Variants in CFAP20DC observed in about 807,000 individuals in gnomAD.
CFAP20DC encodes CFAP20 domain containing.
CFAP20DC carries 84 observed loss-of-function variants against 101.7 expected under a neutral mutation model. The observed-to-expected ratio is 0.83, with a 90% CI of 0.69 to 0.99. The LOEUF (loss-of-function observed/expected upper bound fraction) is 0.99, where lower values mean the gene tolerates loss of function less well. Among genes scored for constraint, CFAP20DC ranks in the 50% least tolerant of loss-of-function variants. CFAP20DC has a pLI of 0.00. For synonymous variants in CFAP20DC, 359 were observed against 351.2 expected (o/e 1.02, Z -0.25); for missense variants, 1,007 against 970.3 (o/e 1.04, Z -0.50).
chr3:58,842,224 G>A (rs555371374), intron 13 of CFAP20DC, among the ~76,000 whole-genome samples: 4 of 152,162 alleles, frequency 2.6e-5, no homozygotes, highest in African/African-American at 7.2e-5. Flanking sequence ...CGCAGAAGAC[G>A]GGTGATTTCT....
chr3:58,948,673 C>T (rs1430686543), intron 4 of CFAP20DC, among the ~76,000 whole-genome samples: 1 of 152,194 alleles, frequency 6.6e-6, no homozygotes, highest in Admixed American at 6.5e-5. Context: ...TTTTGATGTG[C>T]TGCTGGATTC....
At chr3:58,854,745 C>G (rs2078605863) in intron 12 of CFAP20DC, among the ~76,000 whole-genome samples, 2 of 151,230 alleles carry the variant, frequency 1.3e-5, no homozygotes, top group Non-Finnish European at 2.9e-5. Context: ...AAAGGATTCT[C>G]TATTTAATAA....
intron 15 of CFAP20DC, among the ~76,000 whole-genome samples, chr3:58,762,772 G>T (rs868322832): frequency 9.2e-5 from 14 of 152,234 alleles, no homozygotes; most frequent in South Asian, 8.3e-4. Context: ...GTCTGTAAAG[G>T]ATTTTATTTC....
chr3:58,849,769 C>G (rs1036690546), intron 12 of CFAP20DC, among the ~76,000 whole-genome samples: 1 of 152,112 alleles, frequency 6.6e-6, no homozygotes, highest in Non-Finnish European at 1.5e-5. Context: ...TATACTTTGA[C>G]TTTCTGATAA....
rs924305032 is a variant in CFAP20DC at position 58,899,342 on chromosome 3, C to T, written c.550+14366G>A. Among the ~76,000 whole-genome samples, 3 of 152,198 alleles carry T rather than the reference C, an allele frequency of 2.0e-5. No individual in the cohort carries two copies. The highest frequency in any genetic ancestry group is 6.5e-5 in the Admixed American group (1 of 15,288). ...TTGGCCACCCCTCCCACTGGGGACT[C>T]GGTCCTTCTCAGGCAGACTCAAGCC... On this transcript the variant is annotated intron_variant, in intron 6 of 16. Coordinates refer to ENST00000482387, the MANE Select transcript of CFAP20DC (RefSeq NM_001394063.1). The surrounding 1 kb of genome is among the most constrained non-coding windows in gnomAD (Gnocchi z 5.0).
intron 4 of CFAP20DC, among the ~76,000 whole-genome samples, chr3:59,020,967 C>T (rs952483861): frequency 6.6e-6 from 1 of 152,046 alleles, no homozygotes; most frequent in Admixed American, 6.6e-5. Flanking sequence ...GCAAATACAG[C>T]TTTATATTTG....
intron 7 of CFAP20DC, 50 bp downstream of exon 7, chr3:58,884,495 G>A (rs1211187732): frequency 9.7e-6 from 15 of 1,548,152 alleles, no homozygotes; most frequent in Non-Finnish European, 1.3e-5. Context: ...ACACTTTATG[G>A]GAGAGATGCA....
At chr3:58,994,260 T>C (rs2093038090) in intron 4 of CFAP20DC, among the ~76,000 whole-genome samples, 1 of 152,210 alleles carries the variant, frequency 6.6e-6, no homozygotes, top group Admixed American at 6.5e-5. Flanking sequence ...CAATGGACTT[T>C]GCATTTTCTT....
At chr3:58,776,828 A>G (rs2071379968) in intron 15 of CFAP20DC, among the ~76,000 whole-genome samples, 1 of 151,966 alleles carries the variant, frequency 6.6e-6, no homozygotes, top group Admixed American at 6.6e-5. Context: ...GTTAGAAAAA[A>G]GGCAACAGAA....
At chr3:58,918,359 C>T (rs1001145375) in intron 5 of CFAP20DC, among the ~76,000 whole-genome samples, 3 of 152,140 alleles carry the variant, frequency 2.0e-5, no homozygotes, top group Non-Finnish European at 2.9e-5. Context: ...CATTCAATCA[C>T]TCCCTGGTCA....
intron 12 of CFAP20DC, among the ~76,000 whole-genome samples, chr3:58,858,210 C>T (rs1455330917): frequency 6.6e-6 from 1 of 151,998 alleles, no homozygotes. Context: ...TTTTTAAAGT[C>T]CCAAATCTCT....
chr3:58,913,313 G>T lies in CFAP20DC; in HGVS notation c.550+395C>A, dbSNP rs2084337975. 6.6e-6 allele frequency among the ~76,000 whole-genome samples: 1 copy of T among 152,034 alleles called. No individual in the cohort carries two copies. The highest frequency in any genetic ancestry group is 1.5e-5 in the Non-Finnish European group (1 of 68,004). ...TAGATAAGTCTTGTGGGAGAGGCTG[G>T]ATTCTTCTTGACTATAGGCTCTCAG... On this transcript the variant is annotated intron_variant, in intron 6 of 16. Coordinates refer to ENST00000482387, the MANE Select transcript of CFAP20DC (RefSeq NM_001394063.1). The surrounding 1 kb of genome is among the most constrained non-coding windows in gnomAD (Gnocchi z 4.4).
intron 5 of CFAP20DC, among the ~76,000 whole-genome samples, chr3:58,934,585 GGC>G (rs1184565164): frequency 1.3e-5 from 2 of 152,130 alleles, no homozygotes; most frequent in African/African-American, 4.8e-5. Flanking sequence ...TGATCAAGTG[GGC>G]TTCTTCCCTG....
At chr3:58,738,879 GAAC>G (rs2067817900), downstream of CFAP20DC, among the ~76,000 whole-genome samples, 1 of 152,094 alleles carries the variant, frequency 6.6e-6, no homozygotes, top group Non-Finnish European at 1.5e-5. This position sits in a 1 kb window ranked among gnomAD's most constrained non-coding sequence, Gnocchi z 4.4. Context: ...TTTTAAAAAA[GAAC>G]AGCTCAGAAA....
chr3:59,011,445 A>G (rs1276415892), intron 4 of CFAP20DC, among the ~76,000 whole-genome samples: 1 of 151,960 alleles, frequency 6.6e-6, no homozygotes, highest in Non-Finnish European at 1.5e-5. Flanking sequence ...AACAGACAAT[A>G]TATGTCACAC....
chr3:59,039,666 A>T (rs780253794), intron 3 of CFAP20DC, 37 bp from the exon 4 acceptor site: 67 of 1,320,858 alleles, frequency 5.1e-5, no homozygotes, highest in Non-Finnish European at 2.9e-5. Flanking sequence ...AAATGTTCGA[A>T]GCATTTATAT....
At chr3:58,850,214 G>T (rs955690111) in intron 12 of CFAP20DC, among the ~76,000 whole-genome samples, 15 of 152,248 alleles carry the variant, frequency 9.9e-5, no homozygotes, top group Non-Finnish European at 1.8e-4. Flanking sequence ...AGATTTTTAT[G>T]TTATAAAATA....
intron 4 of CFAP20DC, among the ~76,000 whole-genome samples, chr3:59,034,800 A>T (rs1179177776): frequency 6.6e-6 from 1 of 152,200 alleles, no homozygotes; most frequent in African/African-American, 2.4e-5. Context: ...CAGAAAATTA[A>T]CAAGGATATT....
intron 7 of CFAP20DC, 65 bp from the exon 8 acceptor site, chr3:58,870,374 A>T (rs1450160579): frequency 6.5e-7 from 1 of 1,527,156 alleles, no homozygotes; most frequent in Admixed American, 1.7e-5. Flanking sequence ...TCACACTGCA[A>T]TCTTTCTAAA....
Sources: allele counts gnomAD v4.1 joint callset (sites outside exome capture counted in the v4.1 genomes callset), GRCh38; gene constraint gnomAD v4.1.1; non-coding constraint Gnocchi (gnomAD v3.1); transcripts MANE v1.5; gene names NCBI Gene and HGNC (gene_info 2026-07-23, HGNC 2026-07-21).